Variants in GNAO1 observed in about 807,000 individuals in gnomAD.
The protein encoded by GNAO1 is guanine nucleotide-binding protein G(o) subunit alpha.
For synonymous variants in GNAO1, 164 were observed against 180.7 expected, an observed-to-expected ratio of 0.91 and a Z score of 0.74; for missense variants, 166 against 478.7, an observed-to-expected ratio of 0.35 and a Z score of 6.10.
intron 2 of GNAO1, among the ~76,000 whole-genome samples, chr16:56,239,378 A>G (rs1267661634): frequency 3.3e-5 from 5 of 152,232 alleles, no homozygotes; most frequent in African/African-American, 9.6e-5. Context: ...ACTCCCTTTA[A>G]TAATTAGGTG....
At chr16:56,303,567 G>A (rs1307363330) in intron 3 of GNAO1, among the ~76,000 whole-genome samples, 2 of 151,602 alleles carry the variant, frequency 1.3e-5, no homozygotes, top group African/African-American at 2.4e-5. Context: ...GGTGGGCAGT[G>A]ACTTCACCCT....
chr16:56,295,815 T>C (rs1377866562), intron 3 of GNAO1, among the ~76,000 whole-genome samples: 1 of 152,244 alleles, frequency 6.6e-6, no homozygotes, highest in Non-Finnish European at 1.5e-5. Context: ...TGTCAAAGGC[T>C]TCCTTTCTGA....
chr16:56,247,441 T>C (rs1382260457), intron 2 of GNAO1, among the ~76,000 whole-genome samples: 2 of 152,010 alleles, frequency 1.3e-5, no homozygotes, highest in Admixed American at 6.5e-5. Context: ...GCTTTTCTCT[T>C]GCAGTGTATC....
rs2037977812 is a variant in GNAO1, at chr16:56,357,192, GA to G, written c.*1119del. 1 of 150,178 alleles carries G rather than the reference GA, an allele frequency of 6.7e-6. No homozygotes were observed. The highest frequency in any genetic ancestry group is 1.5e-5 in the Non-Finnish European group (1 of 67,742). 9.3% of individuals were successfully genotyped at this position (150,178 alleles called of 1,614,324 possible). On this transcript the variant is annotated 3_prime_UTR_variant, in exon 9 of 9. Coordinates refer to ENST00000262493, the MANE Select transcript of GNAO1 (RefSeq NM_020988.3). ...AACCTCTTCACGGTTTCACTTTTAAGACTTAATCTTTGCTGAAGAAGACCAG... is the reference window on the plus strand; with the variant it reads ...AACCTCTTCACGGTTTCACTTTTAAGCTTAATCTTTGCTGAAGAAGACCAG...
At chr16:56,343,944 C>G in intron 6 of GNAO1, 1 of 1,613,490 alleles carries the variant, frequency 6.2e-7, no homozygotes, top group Non-Finnish European at 8.5e-7. Flanking sequence ...GCTGTGGACT[C>G]TACTGAGCCC....
intron 2 of GNAO1, among the ~76,000 whole-genome samples, chr16:56,199,051 T>C (rs144775732): frequency 6.6e-6 from 1 of 152,320 alleles, no homozygotes; most frequent in Non-Finnish European, 1.5e-5. Context: ...CCTGAAAGAG[T>C]TGGACCAGGG....
At chr16:56,237,414 C>A (rs79645963) in intron 2 of GNAO1, among the ~76,000 whole-genome samples, 1 of 152,060 alleles carries the variant, frequency 6.6e-6, no homozygotes, top group Non-Finnish European at 1.5e-5. Context: ...TACGGCTGTG[C>A]AGAGCAATGC....
chr16:56,258,538 T>C (rs1481789468), intron 2 of GNAO1, among the ~76,000 whole-genome samples: 1 of 152,152 alleles, frequency 6.6e-6, no homozygotes, highest in Non-Finnish European at 1.5e-5. Context: ...CCCTTGCCCA[T>C]GGTTCTGTCA....
rs150207781 is a variant in GNAO1, at chr16:56,199,517, A to G, written c.161+6901A>G. On this transcript the variant is annotated intron_variant, in intron 2 of 8. Coordinates refer to ENST00000262493, the MANE Select transcript of GNAO1 (RefSeq NM_020988.3). ...GAAACTTGCCTGGGTTAAGGTGCCT[A>G]AAACCCAGGGAGCAGAGAGATTTGC... 2.6e-5 allele frequency among the ~76,000 whole-genome samples: 4 copies of G among 152,340 alleles called. No homozygotes were observed. The South Asian group carries it at 8.3e-4, about 32-fold the overall frequency.
intron 4 of GNAO1, chr16:56,329,014 AC>A: frequency 1.9e-6 from 1 of 534,594 alleles, no homozygotes. Context: ...GACGCAAGAG[AC>A]AACCAAACAG....
intron 2 of GNAO1, among the ~76,000 whole-genome samples, chr16:56,242,034 C>T (rs11647265): frequency 0.13 from 19,644 of 152,116 alleles, 1,608 homozygotes; most frequent in African/African-American, 0.22. Context: ...TTCATTCATC[C>T]CACTCTCCTG....
chr16:56,258,561 A>G (rs1209936498), intron 2 of GNAO1, among the ~76,000 whole-genome samples: 1 of 152,174 alleles, frequency 6.6e-6, no homozygotes, highest in Non-Finnish European at 1.5e-5. Flanking sequence ...GTGAGGGGCA[A>G]CAGGGCCTGA....
At chr16:56,348,442 G>A (rs1434705356) in intron 6 of GNAO1, among the ~76,000 whole-genome samples, 2 of 152,226 alleles carry the variant, frequency 1.3e-5, no homozygotes, top group Non-Finnish European at 2.9e-5. Context: ...GGAGAGCTTG[G>A]TGGCCACCTG....
At chr16:56,267,361 G>T (rs79401598) in intron 2 of GNAO1, among the ~76,000 whole-genome samples, 1 of 152,184 alleles carries the variant, frequency 6.6e-6, no homozygotes, top group East Asian at 1.9e-4. Context: ...CGGCAGACCC[G>T]TGCCAGTGCC....
At chr16:56,277,701 T>G (rs527243686) in intron 3 of GNAO1, among the ~76,000 whole-genome samples, 3 of 151,978 alleles carry the variant, frequency 2.0e-5, no homozygotes, top group East Asian at 3.9e-4. Flanking sequence ...TCTGTCTGTC[T>G]CCCTTTGACT....
At chr16:56,348,748 G>A (rs1284236626) in intron 6 of GNAO1, among the ~76,000 whole-genome samples, 2 of 152,182 alleles carry the variant, frequency 1.3e-5, no homozygotes, top group East Asian at 1.9e-4. Flanking sequence ...GCTGGCAGGG[G>A]TCTCAGTGCC....
chr16:56,234,928 G>A (rs2143408742), intron 2 of GNAO1: 1 of 219,260 alleles, frequency 4.6e-6, no homozygotes, highest in Non-Finnish European at 9.2e-6. Flanking sequence ...GAGCTACACT[G>A]GCTATTTGCT....
intron 2 of GNAO1, among the ~76,000 whole-genome samples, chr16:56,208,420 TG>T (rs2036350932): frequency 1.1e-5 from 1 of 94,942 alleles, no homozygotes; most frequent in African/African-American, 4.8e-5. Context: ...CTGCTATCAA[TG>T]TGTGTGTGTG....
At chr16:56,339,538 C>T (rs1239422645) in intron 6 of GNAO1, among the ~76,000 whole-genome samples, 1 of 152,262 alleles carries the variant, frequency 6.6e-6, no homozygotes, top group Admixed American at 6.5e-5. Context: ...CTGTGCATCC[C>T]TCTCTGGCCT....
Sources: allele counts gnomAD v4.1 joint callset (sites outside exome capture counted in the v4.1 genomes callset), GRCh38; gene constraint gnomAD v4.1.1; transcripts MANE v1.5; gene names NCBI Gene and HGNC (gene_info 2026-07-23, HGNC 2026-07-21).